The following JAKMIP1 variants were observed in gnomAD, a reference collection of about 807,000 sequenced individuals.
JAKMIP1 encodes janus kinase and microtubule interacting protein 1.
Under a neutral mutation model 113.0 loss-of-function variants are expected in JAKMIP1, and 33 were observed. That is an observed-to-expected ratio of 0.29 (90% CI 0.22 to 0.39). The LOEUF is 0.39. Ranked by LOEUF, JAKMIP1 falls within the 10% of genes least tolerant of loss-of-function variation. JAKMIP1 has a pLI of 1.00. For missense variants in JAKMIP1, 813 were observed against 1,080.5 expected (o/e 0.75, Z 3.47); for synonymous variants, 480 against 459.9 (o/e 1.04, Z -0.56).
chr4:6,027,209 T>C (rs770468225), intron 20 of JAKMIP1, among the ~76,000 whole-genome samples: 1 of 152,322 alleles, frequency 6.6e-6, no homozygotes, highest in Non-Finnish European at 1.5e-5. Flanking sequence ...GGGAAACATA[T>C]CTGAACATCA....
intron 1 of JAKMIP1, among the ~76,000 whole-genome samples, chr4:6,191,922 T>TTTATTTATTTAC (rs1278363882): frequency 2.0e-5 from 3 of 149,312 alleles, no homozygotes; most frequent in African/African-American, 4.9e-5. Context: ...ATTTTATTTA[T>TTTATTTATTTAC]TTATTTATTT....
intron 1 of JAKMIP1, among the ~76,000 whole-genome samples, chr4:6,121,988 T>A (rs1716781347): frequency 6.6e-6 from 1 of 152,226 alleles, no homozygotes; most frequent in Non-Finnish European, 1.5e-5. Flanking sequence ...ATACTGCATA[T>A]AATATACGCT....
At chr4:6,083,184 C>A (rs970136756) in intron 5 of JAKMIP1, among the ~76,000 whole-genome samples, 1 of 152,150 alleles carries the variant, frequency 6.6e-6, no homozygotes, top group African/African-American at 2.4e-5. Context: ...AGGCAGATCA[C>A]TTGAGGTCAG....
rs1187703287 is a variant in JAKMIP1 at position 6,088,598 on chromosome 4, T to C, written c.625-2969A>G. Among the ~76,000 whole-genome samples, 1 of 152,172 alleles carries C rather than the reference T, an allele frequency of 6.6e-6. No homozygotes were observed. Among genetic ancestry groups the C allele is most frequent in the African/African-American group, 2.4e-5 (1 of 41,440 alleles). Reference sequence around the variant, plus strand: ...ATATTCTCAAACAGCAGAGATGGCATCTAGAAACGGACGGAGGGCCAATGC... The same window carrying C: ...ATATTCTCAAACAGCAGAGATGGCACCTAGAAACGGACGGAGGGCCAATGC... On this transcript the variant is annotated intron_variant, in intron 3 of 20. Transcript: ENST00000409021. This position sits in a 1 kb window ranked among gnomAD's most constrained non-coding sequence, Gnocchi z 5.5.
chr4:6,062,709 C>T lies in JAKMIP1; in HGVS notation c.1432-269G>A, dbSNP rs543127038. Among the ~76,000 whole-genome samples the T allele has an allele frequency of 7.9e-5, 12 of 152,276 alleles. No individual in the cohort carries two copies. The South Asian group carries it at 2.3e-3, about 29-fold the overall frequency. On this transcript the variant is annotated intron_variant, in intron 9 of 20. Coordinates refer to ENST00000409021, the MANE Select transcript of JAKMIP1 (RefSeq NM_001099433.2). ...CATCAGCACTCCTCCCAGGAGCTCC[C>T]ACCCACAGGAATCACTTGAGTTATG... is the stretch of plus-strand genomic sequence containing the variant.
In JAKMIP1 at chr4:6,113,729, C is replaced by A. The variant is rs117078472; in HGVS notation, c.-147-732G>T. Among the ~76,000 whole-genome samples the A allele has an allele frequency of 1.1e-4, 17 of 152,362 alleles. No individual in the cohort carries two copies. The East Asian group carries it at 2.9e-3, about 26-fold the overall frequency. On this transcript the variant is annotated intron_variant, in intron 1 of 20. Coordinates refer to ENST00000409021, the MANE Select transcript of JAKMIP1 (RefSeq NM_001099433.2). ...CTGCCTCGGAAAGCCCGCCTCTGCT[C>A]TCCCTTCCCTTCACCACGTCTCCTT...
rs1374621050 is a variant in JAKMIP1 at position 6,094,892 on chromosome 4, G to A, written c.625-9263C>T. ...CTGGCTATTCAGGAGGCTGAGGTGG[G>A]AGGATTGCTTGAGCCTGGAAGGTAG... On this transcript the variant is annotated intron_variant, in intron 3 of 20. Coordinates refer to ENST00000409021, the MANE Select transcript of JAKMIP1 (RefSeq NM_001099433.2). The surrounding 1 kb of genome is among the most constrained non-coding windows in gnomAD (Gnocchi z 4.2). Among the ~76,000 whole-genome samples the A allele has an allele frequency of 1.3e-5, 2 of 152,094 alleles. No homozygotes were observed. The highest frequency in any genetic ancestry group is 2.9e-5 in the Non-Finnish European group (2 of 68,024).
rs1393564994 is a variant in JAKMIP1 at position 6,081,441 on chromosome 4, C to T, written c.1101+168G>A. On this transcript the variant is annotated intron_variant, in intron 6 of 20. Coordinates refer to ENST00000409021, the MANE Select transcript of JAKMIP1 (RefSeq NM_001099433.2). This position sits in a 1 kb window ranked among gnomAD's most constrained non-coding sequence, Gnocchi z 4.6. ...CACCCACAGCACAGTGAATGTGAGA[C>T]AGGTGGAGAGAAAGGCGAGACATCT... is the stretch of plus-strand genomic sequence containing the variant. Among the ~76,000 whole-genome samples, 1 of 152,182 alleles carries T rather than the reference C, an allele frequency of 6.6e-6. No individual in the cohort carries two copies. The highest frequency in any genetic ancestry group is 6.5e-5 in the Admixed American group (1 of 15,288).
At chr4:6,039,019 C>A (rs1261845634) in intron 18 of JAKMIP1, among the ~76,000 whole-genome samples, 2 of 152,254 alleles carry the variant, frequency 1.3e-5, no homozygotes, top group Non-Finnish European at 2.9e-5. Context: ...CCTGACTGTT[C>A]ATGAGAATCC....
chr4:6,085,756 A>G (rs1721196564), intron 3 of JAKMIP1, 127 bp from the exon 4 acceptor site: 1 of 763,144 alleles, frequency 1.3e-6, no homozygotes, highest in Non-Finnish European at 2.1e-6. Flanking sequence ...AACTGAATTC[A>G]GTAAACTCCA....
intron 1 of JAKMIP1, among the ~76,000 whole-genome samples, chr4:6,144,948 C>T (rs1720649973): frequency 6.6e-6 from 1 of 152,008 alleles, no homozygotes; most frequent in African/African-American, 2.4e-5. Flanking sequence ...TATCTATTTC[C>T]CAATGACATG....
At chr4:6,071,881 A>G (rs114379394) in intron 8 of JAKMIP1, among the ~76,000 whole-genome samples, 2,094 of 152,294 alleles carry the variant, frequency 0.014, 55 homozygotes, top group African/African-American at 0.047. Context: ...AGCAGGTGGG[A>G]CATGGAGCAA....
Position 6,154,734 on chromosome 4 carries a change from C to A in JAKMIP1, c.-147-41737G>T, listed in dbSNP as rs1334502251. 1.3e-5 allele frequency among the ~76,000 whole-genome samples: 2 copies of A among 152,140 alleles called. No individual in the cohort carries two copies. The highest frequency in any genetic ancestry group is 4.8e-5 in the African/African-American group (2 of 41,430). On this transcript the variant is annotated intron_variant, in intron 1 of 20. Coordinates refer to ENST00000409021, the MANE Select transcript of JAKMIP1 (RefSeq NM_001099433.2). This position sits in a 1 kb window ranked among gnomAD's most constrained non-coding sequence, Gnocchi z 4.2. ...AGTTTACTTACTACCCAGCCCACTC[C>A]TAACTCCCCACCCCCAGCCATCATG... is the stretch of plus-strand genomic sequence containing the variant.
Position 6,054,041 on chromosome 4 carries a change from GTC to G in JAKMIP1, c.1806+7_1806+8del. ...CGTTTGAGAGTTTACAACAGATAGA[GTC>G]TCTTACTTCGAGTTCTAGCACTCTG... On this transcript the variant is annotated splice_region_variant and intron_variant, in intron 13 of 20. Transcript: ENST00000409021. 6.2e-7 allele frequency: 1 copy of G among 1,614,162 alleles called. No homozygotes were observed. The highest frequency in any genetic ancestry group is 8.5e-7 in the Non-Finnish European group (1 of 1,179,956).
chr4:6,060,451 C>T lies in JAKMIP1; in HGVS notation c.1617G>A (p.Leu539=), dbSNP rs1220139455. The change falls in exon 11 of 21, where the codon TTG becomes TTA. Residue 539 remains leucine, a synonymous_variant. Transcript: ENST00000409021. The part of the protein sequence containing the change: ...LLRCQAKIED[L]EKLLVEKGQD... ...GTCCCTTCTCAACCAGTAACTTCTC[C>T]AAATCTTCGATTTTGGCCTGACACC... 1 of 1,614,066 alleles carries T rather than the reference C, an allele frequency of 6.2e-7. No homozygotes were observed. Among genetic ancestry groups the T allele is most frequent in the South Asian group, 1.1e-5 (1 of 91,084 alleles).
At chr4:6,174,847 T>C (rs1725154805) in intron 1 of JAKMIP1, among the ~76,000 whole-genome samples, 1 of 151,998 alleles carries the variant, frequency 6.6e-6, no homozygotes, top group Admixed American at 6.6e-5. Flanking sequence ...CCAACTGTTT[T>C]GCACCCTGGC....
chr4:6,176,452 A>C lies in JAKMIP1; in HGVS notation c.-148+23801T>G, dbSNP rs1007377311. 1.3e-5 allele frequency among the ~76,000 whole-genome samples: 2 copies of C among 152,226 alleles called. No individual in the cohort carries two copies. The highest frequency in any genetic ancestry group is 1.9e-4 in the East Asian group (1 of 5,198). Reference sequence around the variant, plus strand: ...GACCAAGGAAGGATTTCCGATGTTCAGCTGTATTGTACATTTTAATCTATT... The same window carrying C: ...GACCAAGGAAGGATTTCCGATGTTCCGCTGTATTGTACATTTTAATCTATT... On this transcript the variant is annotated intron_variant, in intron 1 of 20. Transcript: ENST00000409021. This position sits in a 1 kb window ranked among gnomAD's most constrained non-coding sequence, Gnocchi z 5.5.
At chr4:6,038,146 G>A in intron 18 of JAKMIP1, among the ~76,000 whole-genome samples, 1 of 135,202 alleles carries the variant, frequency 7.4e-6, no homozygotes, top group Admixed American at 7.2e-5. Flanking sequence ...TGAGGCAGAG[G>A]CTAACCGGTA....
In JAKMIP1 at chr4:6,049,621, C is replaced by G. The variant is rs1183093982; in HGVS notation, c.1962+198G>C. Among the ~76,000 whole-genome samples, 13 of 152,048 alleles carry G rather than the reference C, an allele frequency of 8.5e-5. No individual in the cohort carries two copies. The highest frequency in any genetic ancestry group is 1.8e-4 in the Non-Finnish European group (12 of 68,014). Reference sequence around the variant, plus strand: ...TCCTCACTCAACAGGCCAGGGGAATCTAACTTCGGAACCCCACTTCTGACG... The same window carrying G: ...TCCTCACTCAACAGGCCAGGGGAATGTAACTTCGGAACCCCACTTCTGACG... On this transcript the variant is annotated intron_variant, in intron 15 of 20. Transcript: ENST00000409021. This position sits in a 1 kb window ranked among gnomAD's most constrained non-coding sequence, Gnocchi z 7.0.
Sources: allele counts gnomAD v4.1 joint callset (sites outside exome capture counted in the v4.1 genomes callset), GRCh38; gene constraint gnomAD v4.1.1; non-coding constraint Gnocchi (gnomAD v3.1); transcripts MANE v1.5; gene names NCBI Gene and HGNC (gene_info 2026-07-23, HGNC 2026-07-21).